MFNG: variants seen among roughly 807,000 people sequenced by gnomAD.
MFNG encodes the protein MFNG O-fucosylpeptide 3-beta-N-acetylglucosaminyltransferase.
Under a neutral mutation model 34.2 loss-of-function variants are expected in MFNG, and 24 were observed. The observed-to-expected ratio is 0.70, with a 90% confidence interval of 0.51 to 0.99. MFNG has a LOEUF of 0.99. MFNG is among the 50% of genes least tolerant of loss of function. MFNG has a pLI of 0.00. For missense variants in MFNG, 383 were observed against 424.0 expected, an observed-to-expected ratio of 0.90 and a Z score of 0.85; for synonymous variants, 158 against 179.2, an observed-to-expected ratio of 0.88 and a Z score of 0.94.
chr22:37,473,716 T>C (rs1229557504), intron 6 of MFNG, among the ~76,000 whole-genome samples: 1 of 152,096 alleles, frequency 6.6e-6, no homozygotes, highest in Non-Finnish European at 1.5e-5. Context: ...TCTCCTCCGA[T>C]AGTGGGGGGA....
intron 6 of MFNG, chr22:37,472,823 T>C (rs894483422): frequency 1.7e-5 from 5 of 297,162 alleles, no homozygotes; most frequent in African/African-American, 6.7e-5. Flanking sequence ...AAAAGGCAGC[T>C]TTCCAGTAAG....
At chr22:37,474,266 G>A (rs560296973) in intron 6 of MFNG, among the ~76,000 whole-genome samples, 6 of 152,308 alleles carry the variant, frequency 3.9e-5, no homozygotes, top group African/African-American at 1.4e-4. Flanking sequence ...TTGAGGACCA[G>A]ATCAAAGAAT....
rs1270627984 is a variant in MFNG at position 37,483,607 on chromosome 22, C to A, written c.255+2316G>T. Among the ~76,000 whole-genome samples, 1 of 151,758 alleles carries A rather than the reference C, an allele frequency of 6.6e-6. No homozygotes were observed. Among genetic ancestry groups the A allele is most frequent in the African/African-American group, 2.4e-5 (1 of 41,248 alleles). ...ACCAGCCTGGCCAACATGGCAAAAC[C>A]CCATCTCTACTAAAAATAGAAAAAT... is the stretch of plus-strand genomic sequence containing the variant. On this transcript the variant is annotated intron_variant, in intron 1 of 7. Coordinates refer to ENST00000356998, the MANE Select transcript of MFNG (RefSeq NM_002405.4). This position sits in a 1 kb window ranked among gnomAD's most constrained non-coding sequence, Gnocchi z 4.5.
rs117565204 is a variant in MFNG, at chr22:37,474,901, G to A, written c.648-224C>T. ...ATGGCCGTGTCTTCGTGGAGCTGTC[G>A]TGAGGATTAAACAGGGAATGGGAAG... On this transcript the variant is annotated intron_variant, in intron 5 of 7. Transcript: ENST00000356998. 2.4e-3 allele frequency among the ~76,000 whole-genome samples: 361 copies of A among 152,336 alleles called. 1 individual carries two copies. Among genetic ancestry groups the A allele is most frequent in the Middle Eastern group, 6.8e-3 (2 of 294 alleles).
At chr22:37,477,139 T>C (rs1423614015) in intron 4 of MFNG, among the ~76,000 whole-genome samples, 158 bp from the exon 5 acceptor site, 1 of 152,208 alleles carries the variant, frequency 6.6e-6, no homozygotes, top group Non-Finnish European at 1.5e-5. Flanking sequence ...ATTGCACCCA[T>C]TCTATAGATA....
At chr22:37,478,278 C>A (rs1384401672) in intron 4 of MFNG, among the ~76,000 whole-genome samples, 1 of 152,144 alleles carries the variant, frequency 6.6e-6, no homozygotes, top group African/African-American at 2.4e-5. Context: ...TAGAGAGGGA[C>A]CTCCCGATCT....
chr22:37,469,739 C>A lies in MFNG; in HGVS notation c.*224G>T, dbSNP rs973234917. On this transcript the variant is annotated 3_prime_UTR_variant, in exon 8 of 8. Coordinates refer to ENST00000356998, the MANE Select transcript of MFNG (RefSeq NM_002405.4). ...AGTCTAGCCCCTGGAGCCTCTCTGG[C>A]CACCACCTGGTCCACCTGGTCCCCT... 1.5e-6 allele frequency: 1 copy of A among 666,268 alleles called. No homozygotes were observed. Among genetic ancestry groups the A allele is most frequent in the Non-Finnish European group, 2.8e-6 (1 of 354,992 alleles). 41.3% of individuals were successfully genotyped at this position (666,268 alleles called of 1,614,324 possible). A position where few individuals can be genotyped will look rare whatever the true frequency, so the allele number is the denominator to read the frequency against.
intron 3 of MFNG, 64 bp from the exon 4 acceptor site, chr22:37,479,562 C>A: frequency 1.9e-6 from 3 of 1,590,742 alleles, no homozygotes; most frequent in Non-Finnish European, 2.6e-6. Flanking sequence ...TCCCCAAGCA[C>A]CCCCACAGTC....
chr22:37,480,106 A>T, intron 3 of MFNG, 91 bp downstream of exon 3: 1 of 957,300 alleles, frequency 1.0e-6, no homozygotes, highest in Middle Eastern at 2.2e-4. Flanking sequence ...CTGCTAGAGG[A>T]GTGGGGGCTG....
chr22:37,485,895 C>T lies in MFNG; in HGVS notation c.255+28G>A. ...GAACCCCTTAGGCCAGGGGCCACCC[C>T]CAGGGCCCAATGTCACCCACTTGTC... is the stretch of plus-strand genomic sequence containing the variant. On this transcript the variant is annotated intron_variant, in intron 1 of 7. Coordinates refer to ENST00000356998, the MANE Select transcript of MFNG (RefSeq NM_002405.4). This position sits in a 1 kb window ranked among gnomAD's most constrained non-coding sequence, Gnocchi z 5.3. 1 of 1,598,340 alleles carries T rather than the reference C, an allele frequency of 6.3e-7. No homozygotes were observed. Among genetic ancestry groups the T allele is most frequent in the Non-Finnish European group, 8.5e-7 (1 of 1,169,912 alleles).
intron 4 of MFNG, 68 bp from the exon 5 acceptor site, chr22:37,477,049 G>A (rs2145731328): frequency 6.6e-6 from 9 of 1,372,454 alleles, no homozygotes; most frequent in Non-Finnish European, 9.3e-6. Context: ...GGACAGCCAG[G>A]CCACCCTTCA....
rs78585102 is a variant in MFNG, at chr22:37,479,578, A to G, written c.408-80T>C. The G allele has an allele frequency of 4.2e-3, 6,480 of 1,558,832 alleles. 225 individuals are homozygous for G. In the African/African-American group the frequency reaches 0.078, roughly 19 times the overall value. On this transcript the variant is annotated intron_variant, in intron 3 of 7. Transcript: ENST00000356998. The stretch of plus-strand genomic sequence containing the variant: ...CCCCAAGCACCCCCACAGTCGGTCA[A>G]CAGTGACGGAATGGGGGTAGGGGTG...
chr22:37,475,593 A>G (rs931736294), intron 5 of MFNG, among the ~76,000 whole-genome samples: 1 of 152,082 alleles, frequency 6.6e-6, no homozygotes, highest in African/African-American at 2.4e-5. Context: ...ATGGACTTCA[A>G]CTGGCCGCGT....
At position 37,482,443 on chromosome 22, in the gene MFNG, G is replaced by A. The variant is rs1328738830; in HGVS notation, c.256-1674C>T. ...GTCTCTCTCTCTCACACACACACAC[G>A]CACACACACGCACGCATACACACAC... On this transcript the variant is annotated intron_variant, in intron 1 of 7. Coordinates refer to ENST00000356998, the MANE Select transcript of MFNG (RefSeq NM_002405.4). This position sits in a 1 kb window ranked among gnomAD's most constrained non-coding sequence, Gnocchi z 4.1. 1.3e-5 allele frequency among the ~76,000 whole-genome samples: 2 copies of A among 149,696 alleles called. No individual in the cohort carries two copies. Among genetic ancestry groups the A allele is most frequent in the African/African-American group, 4.9e-5 (2 of 40,450 alleles).
In MFNG at chr22:37,485,793, A is replaced by T; in HGVS notation, c.255+130T>A. ...CCCGGAAGAAGGAGAGAGGAAGAGG[A>T]TCCCTGATTAGGCAGGTATTGAGCA... On this transcript the variant is annotated intron_variant, in intron 1 of 7. Coordinates refer to ENST00000356998, the MANE Select transcript of MFNG (RefSeq NM_002405.4). This position sits in a 1 kb window ranked among gnomAD's most constrained non-coding sequence, Gnocchi z 5.3. 8.8e-7 allele frequency: 1 copy of T among 1,139,906 alleles called. No individual in the cohort carries two copies. Among genetic ancestry groups the T allele is most frequent in the Non-Finnish European group, 1.2e-6 (1 of 818,260 alleles). 70.6% of individuals were successfully genotyped at this position (1,139,906 alleles called of 1,614,324 possible).
In MFNG at chr22:37,482,123, G is replaced by A. The variant is rs560626850; in HGVS notation, c.256-1354C>T. Among the ~76,000 whole-genome samples the A allele has an allele frequency of 5.9e-5, 9 of 152,308 alleles. 1 individual carries two copies. The South Asian group carries it at 1.2e-3, about 21-fold the overall frequency. ...GTTTGACACAGGAAGGGGCAGGAGG[G>A]AGCCAGGCTATCTCCTAAGGCCCAT... On this transcript the variant is annotated intron_variant, in intron 1 of 7. Transcript: ENST00000356998. This position sits in a 1 kb window ranked among gnomAD's most constrained non-coding sequence, Gnocchi z 4.1.
chr22:37,473,033 A>C (rs1921879576), intron 6 of MFNG, among the ~76,000 whole-genome samples: 2 of 152,128 alleles, frequency 1.3e-5, no homozygotes, highest in South Asian at 2.1e-4. Flanking sequence ...TCTGCCCCAT[A>C]TTAGCTGTGT....
At position 37,472,508 on chromosome 22, in the gene MFNG, G is replaced by T. The variant is rs1406303155; in HGVS notation, c.834C>A (p.Val278=). 3 of 1,581,826 alleles carry T rather than the reference G, an allele frequency of 1.9e-6. No individual in the cohort carries two copies. Among genetic ancestry groups the T allele is most frequent in the Non-Finnish European group, 2.6e-6 (3 of 1,166,898 alleles). Residue 278 remains valine, a synonymous_variant, in exon 7 of 8, where the codon GTC becomes GTA. Coordinates refer to ENST00000356998, the MANE Select transcript of MFNG (RefSeq NM_002405.4). ...LPEQVTLSYG[V]FEGKLNVIKL... ...TAATGACGTTGAGTTTCCCCTCAAAGACACCGTAGCTGAGGGTGACCTGGG... is the reference window on the plus strand; with the variant it reads ...TAATGACGTTGAGTTTCCCCTCAAATACACCGTAGCTGAGGGTGACCTGGG...
chr22:37,486,264 AGGCAAAAGTCT>A lies in MFNG; in HGVS notation c.-98_-88del, dbSNP rs1317726135. On this transcript the variant is annotated 5_prime_UTR_variant, in exon 1 of 8. The change abolishes the stop of an existing upstream ORF in the 5' untranslated region. Transcript: ENST00000356998. The stretch of plus-strand genomic sequence containing the variant: ...GCTGGTCAGGCAGGGGCTCCAGCAG[AGGCAAAAGTCT>A]GGCAGGCATCAGGGGCTGGCAAGGA... 4 of 1,394,212 alleles carry A rather than the reference AGGCAAAAGTCT, an allele frequency of 2.9e-6. No homozygotes were observed. The highest frequency in any genetic ancestry group is 3.8e-6 in the Non-Finnish European group (4 of 1,065,770). 86.4% of individuals were successfully genotyped at this position (1,394,212 alleles called of 1,614,324 possible). A position where few individuals can be genotyped will look rare whatever the true frequency, so the allele number is the denominator to read the frequency against.
Sources: allele counts gnomAD v4.1 joint callset (sites outside exome capture counted in the v4.1 genomes callset), GRCh38; gene constraint gnomAD v4.1.1; non-coding constraint Gnocchi (gnomAD v3.1); transcripts MANE v1.5; gene names NCBI Gene and HGNC (gene_info 2026-07-23, HGNC 2026-07-21).